The following PREP variants were observed in gnomAD, a reference collection of about 807,000 sequenced individuals.
PREP encodes dJ355L5.1 (prolyl endopeptidase).
In PREP, 29 loss-of-function variants were observed where a neutral mutation model predicts 87.6. The observed-to-expected ratio is 0.33, with a 90% CI of 0.25 to 0.45. PREP has a LOEUF of 0.45. PREP is among the 20% of genes least tolerant of loss of function. The probability of loss-of-function intolerance (pLI) is 1.00; values close to 1 mark genes in which losing one functional copy is unlikely to be tolerated. For missense variants in PREP, 695 were observed against 886.5 expected (o/e 0.78, Z 2.74); for synonymous variants, 337 against 328.6 (o/e 1.03, Z -0.28).
intron 6 of PREP, among the ~76,000 whole-genome samples, chr6:105,353,409 A>G (rs1350215256): frequency 6.6e-6 from 1 of 152,186 alleles, no homozygotes; most frequent in Non-Finnish European, 1.5e-5. Context: ...CATTTTGAAT[A>G]TAATATCCTT....
At chr6:105,355,197 T>C (rs1278080480) in intron 6 of PREP, among the ~76,000 whole-genome samples, 1 of 150,788 alleles carries the variant, frequency 6.6e-6, no homozygotes, top group African/African-American at 2.4e-5. Context: ...GCAATTCTCC[T>C]GCCTCAGCCT....
chr6:105,338,341 G>A (rs1771532654), intron 7 of PREP, among the ~76,000 whole-genome samples: 1 of 152,220 alleles, frequency 6.6e-6, no homozygotes, highest in African/African-American at 2.4e-5. Context: ...AAGCACAGTA[G>A]AAATTTCCTT....
chr6:105,401,449 G>A (rs1773427995), intron 1 of PREP, among the ~76,000 whole-genome samples: 2 of 152,162 alleles, frequency 1.3e-5, no homozygotes, highest in African/African-American at 2.4e-5. Flanking sequence ...CCTATGGTCA[G>A]TCCAAATATT....
At position 105,281,971 on chromosome 6, in the gene PREP, C is replaced by T. The variant is rs1162572617; in HGVS notation, c.1682-69G>A. Reference sequence around the variant, plus strand: ...AAACATCTACATAAACAAGGCAAGGCAATACTTACTTACATGCTTCCAGAG... The same window carrying T: ...AAACATCTACATAAACAAGGCAAGGTAATACTTACTTACATGCTTCCAGAG... On this transcript the variant is annotated intron_variant, in intron 13 of 14. Transcript: ENST00000652536. The T allele has an allele frequency of 1.9e-6, 3 of 1,546,194 alleles. No homozygotes were observed. The East Asian group carries it at 6.8e-5, about 35-fold the overall frequency.
In PREP at chr6:105,285,469, T is replaced by C. The variant is rs1325443665; in HGVS notation, c.1549+17A>G. On this transcript the variant is annotated intron_variant, in intron 12 of 14. Coordinates refer to ENST00000652536, the MANE Select transcript of PREP (RefSeq NM_002726.5). The stretch of plus-strand genomic sequence containing the variant: ...TGATTATGTCAGACTTGTGTTTCTG[T>C]AGAGAAAACACCTCACCTTTATGCC... 1.3e-6 allele frequency: 2 copies of C among 1,596,656 alleles called. No homozygotes were observed. The highest frequency in any genetic ancestry group is 2.2e-5 in the East Asian group (1 of 44,786).
At chr6:105,369,436 A>T (rs890081200) in intron 5 of PREP, among the ~76,000 whole-genome samples, 2 of 152,232 alleles carry the variant, frequency 1.3e-5, no homozygotes, top group African/African-American at 4.8e-5. Flanking sequence ...TCCCAGAAAC[A>T]TATTTTGTGG....
chr6:105,364,022 A>G (rs532071683), intron 6 of PREP, among the ~76,000 whole-genome samples: 4 of 152,294 alleles, frequency 2.6e-5, no homozygotes, highest in Admixed American at 2.6e-4. Context: ...TGATAGACCA[A>G]CAAACAATTC....
intron 10 of PREP, among the ~76,000 whole-genome samples, chr6:105,312,767 G>T (rs1284728790): frequency 6.6e-6 from 1 of 152,176 alleles, no homozygotes; most frequent in Non-Finnish European, 1.5e-5. Context: ...AATATTGAAA[G>T]ATGTGTGGAA....
intron 2 of PREP, among the ~76,000 whole-genome samples, chr6:105,394,586 C>G (rs1773241164): frequency 6.6e-6 from 1 of 152,116 alleles, no homozygotes; most frequent in Non-Finnish European, 1.5e-5. Context: ...AGGGAAATAA[C>G]TGAAAATTTG....
chr6:105,387,262 G>A (rs1004414337), intron 2 of PREP, among the ~76,000 whole-genome samples: 5 of 151,870 alleles, frequency 3.3e-5, no homozygotes, highest in Admixed American at 6.6e-5. Flanking sequence ...ATCAGTTATC[G>A]CAGTTCTTTA....
At chr6:105,310,612 T>G (rs1337236921) in intron 10 of PREP, among the ~76,000 whole-genome samples, 1 of 152,186 alleles carries the variant, frequency 6.6e-6, no homozygotes, top group Non-Finnish European at 1.5e-5. Context: ...AGCTCTCACC[T>G]CCCTGGCTGC....
At chr6:105,319,915 C>T (rs1770961361) in intron 10 of PREP, among the ~76,000 whole-genome samples, 1 of 152,138 alleles carries the variant, frequency 6.6e-6, no homozygotes, top group South Asian at 2.1e-4. Flanking sequence ...GTGCTTATGT[C>T]TGGAATTTCT....
At chr6:105,363,278 A>T (rs1201049027) in intron 6 of PREP, among the ~76,000 whole-genome samples, 1 of 152,192 alleles carries the variant, frequency 6.6e-6, no homozygotes, top group African/African-American at 2.4e-5. Context: ...GCATTTTCAC[A>T]ATCTTCATTC....
Position 105,376,134 on chromosome 6 carries a change from C to G in PREP, c.376G>C (p.Ala126Pro). Residue 126 changes from alanine to proline, a missense_variant, in exon 4 of 15, where the codon GCA becomes CCA. Transcript: ENST00000652536. ...PNILSDDGTV[A>P]LRGYAFSEDG... ...TCTGTGTAGCACTTACCTCGGAGTG[C>G]CACTGTGCCATCGTCAGACAGTATG... 1 of 1,613,290 alleles carries G rather than the reference C, an allele frequency of 6.2e-7. No individual in the cohort carries two copies. The highest frequency in any genetic ancestry group is 8.5e-7 in the Non-Finnish European group (1 of 1,179,574).
intron 10 of PREP, among the ~76,000 whole-genome samples, chr6:105,309,110 G>T (rs987768474): frequency 6.6e-6 from 1 of 152,116 alleles, no homozygotes; most frequent in Admixed American, 6.5e-5. Flanking sequence ...GGCAGGAGAT[G>T]AGTGAGGGAG....
At chr6:105,368,547 A>G (rs554680952) in intron 6 of PREP, among the ~76,000 whole-genome samples, 1 of 152,344 alleles carries the variant, frequency 6.6e-6, no homozygotes, top group East Asian at 1.9e-4. Context: ...TCTCACTTGT[A>G]TGTACAAAGA....
At chr6:105,305,733 A>G (rs1192082823) in intron 10 of PREP, among the ~76,000 whole-genome samples, 1 of 152,190 alleles carries the variant, frequency 6.6e-6, no homozygotes, top group African/African-American at 2.4e-5. Context: ...GACAGCCCAG[A>G]CATGCCTCCC....
In PREP at chr6:105,373,485, C is replaced by T; in HGVS notation, c.479G>A (p.Gly160Asp). Reference protein sequence around the residue: ...WVTIKFMKVDGAKELPDVLER... With the variant: ...WVTIKFMKVDDAKELPDVLER... Reference sequence around the variant, plus strand: ...AAGCACATCTGGAAGCTCTTTGGCACCATCAACTTTCATGAACTTGATTGT... The same window carrying T: ...AAGCACATCTGGAAGCTCTTTGGCATCATCAACTTTCATGAACTTGATTGT... The change falls in exon 5 of 15, where the codon GGT becomes GAT. Residue 160 changes from glycine (G) to aspartate (D), a missense_variant. Transcript: ENST00000652536. The T allele has an allele frequency of 6.2e-7, 1 of 1,614,224 alleles. No homozygotes were observed. The highest frequency in any genetic ancestry group is 8.5e-7 in the Non-Finnish European group (1 of 1,180,044).
intron 7 of PREP, among the ~76,000 whole-genome samples, chr6:105,349,769 G>A (rs978661169): frequency 3.9e-5 from 6 of 152,074 alleles, no homozygotes; most frequent in African/African-American, 1.4e-4. Context: ...CATGGATTGA[G>A]TTTTCAGGCA....
Sources: gnomAD v4.1 joint callset for allele counts (sites outside exome capture counted in the v4.1 genomes callset) on GRCh38, gnomAD v4.1.1 for gene constraint, MANE v1.5 for transcripts, NCBI Gene and HGNC (gene_info 2026-07-23, HGNC 2026-07-21) for gene names.